The following PHTF2 variants were observed in gnomAD, a reference collection of about 807,000 sequenced individuals.
The protein encoded by PHTF2 is putative homeodomain transcription factor 2, also known as protein PHTF2.
In PHTF2, 60 loss-of-function variants were observed where a neutral mutation model predicts 101.2. That is an observed-to-expected ratio of 0.59 (90% CI 0.48 to 0.73). The LOEUF (loss-of-function observed/expected upper bound fraction) is 0.73. Among genes scored for constraint, PHTF2 ranks in the 30% least tolerant of loss-of-function variants. The probability of loss-of-function intolerance (pLI) is 0.00; values close to 1 mark genes in which losing one functional copy is unlikely to be tolerated. For missense variants in PHTF2, 747 were observed against 908.7 expected (o/e 0.82, Z 2.29); for synonymous variants, 311 against 307.3 (o/e 1.01, Z -0.13).
chr7:77,953,292 C>G (rs547200203), intron 18 of PHTF2, among the ~76,000 whole-genome samples: 15 of 152,290 alleles, frequency 9.8e-5, no homozygotes, highest in Non-Finnish European at 8.8e-5. Context: ...TTCCCAGAGC[C>G]TAGCACAGGG....
chr7:77,922,950 G>T (rs1446605199), intron 11 of PHTF2, 172 bp downstream of exon 10: 3 of 1,334,912 alleles, frequency 2.2e-6, no homozygotes, highest in Middle Eastern at 2.8e-4. Context: ...TTTACGTATT[G>T]CACATGTATT....
At chr7:77,844,870 C>G (rs1180436315) in intron 2 of PHTF2, among the ~76,000 whole-genome samples, 1 of 152,186 alleles carries the variant, frequency 6.6e-6, no homozygotes, top group African/African-American at 2.4e-5. Context: ...TTTTAAAAGT[C>G]CTTTAATATC....
At chr7:77,929,907 G>GT (rs991620391) in intron 12 of PHTF2, among the ~76,000 whole-genome samples, 3 of 149,616 alleles carry the variant, frequency 2.0e-5, no homozygotes, top group African/African-American at 7.4e-5. Context: ...TCAAAATCTG[G>GT]TGTAAACACT....
chr7:77,817,831 C>T (rs940706066), intron 1 of PHTF2, among the ~76,000 whole-genome samples: 2 of 151,968 alleles, frequency 1.3e-5, no homozygotes, highest in South Asian at 2.1e-4. Flanking sequence ...AGTTCCGGGC[C>T]GGGTGCGGTG....
chr7:77,852,567 T>G (rs1796851597), intron 2 of PHTF2, among the ~76,000 whole-genome samples: 1 of 152,230 alleles, frequency 6.6e-6, no homozygotes, highest in African/African-American at 2.4e-5. Context: ...GTTGTAGTTG[T>G]TAGTTTTAAT....
intron 11 of PHTF2, chr7:77,923,014 A>T: frequency 8.5e-7 from 1 of 1,183,150 alleles, no homozygotes. Flanking sequence ...GAAGACTCAT[A>T]CATTGTTTGT....
chr7:77,871,995 G>T (rs1798557869), intron 3 of PHTF2, among the ~76,000 whole-genome samples: 1 of 152,180 alleles, frequency 6.6e-6, no homozygotes. Flanking sequence ...TTTCCGTGAT[G>T]GAAAAGGTTC....
At chr7:77,849,511 G>A (rs1031961109) in intron 2 of PHTF2, among the ~76,000 whole-genome samples, 10 of 152,020 alleles carry the variant, frequency 6.6e-5, no homozygotes, top group African/African-American at 2.4e-4. Flanking sequence ...CAGTTTTGTT[G>A]TTTTCACTCA....
intron 9 of PHTF2, 45 bp downstream of exon 8, chr7:77,910,454 T>C: frequency 7.2e-7 from 1 of 1,392,180 alleles, no homozygotes; most frequent in Non-Finnish European, 1.0e-6. Flanking sequence ...GATGGCACTA[T>C]CCTTTTTCTG....
Position 77,932,605 on chromosome 7 carries a change from AGAGAGAGAGAGAGAGAGT to A in PHTF2, c.1338+3280_1338+3297del, listed in dbSNP as rs1562962198. ...AAGAGGAAGAGAGAGAGAGAGAAAGAGAGAGAGAGAGAGAGAGTGTGTGTGTGTGTGTGTGTGTGTGTG... is the reference window on the plus strand; with the variant it reads ...AAGAGGAAGAGAGAGAGAGAGAAAGAGTGTGTGTGTGTGTGTGTGTGTGTG... On this transcript the variant is annotated intron_variant, in intron 12 of 19. Transcript: ENST00000416283. Among the ~76,000 whole-genome samples the A allele has an allele frequency of 8.2e-3, 613 of 74,492 alleles. 3 individuals carry two copies. Among genetic ancestry groups the A allele is most frequent in the East Asian group, 0.03 (53 of 1,772 alleles). The allele number at this position is 74,492 out of a possible 152,430, so 48.9% of individuals were successfully genotyped here.
chr7:77,832,853 A>G (rs1308073755), intron 1 of PHTF2, among the ~76,000 whole-genome samples: 9 of 152,072 alleles, frequency 5.9e-5, no homozygotes, highest in Non-Finnish European at 8.8e-5. Flanking sequence ...AATAAATGTA[A>G]TGCTCTCGAA....
chr7:77,914,253 C>T (rs966533232), intron 9 of PHTF2, among the ~76,000 whole-genome samples: 2 of 152,036 alleles, frequency 1.3e-5, no homozygotes, highest in East Asian at 3.9e-4. Flanking sequence ...AAGGAGGGTA[C>T]AATGATCTCT....
chr7:77,899,574 C>T (rs1354179785), intron 5 of PHTF2, among the ~76,000 whole-genome samples: 1 of 152,164 alleles, frequency 6.6e-6, no homozygotes, highest in East Asian at 1.9e-4. Context: ...TTTGCAACTT[C>T]AGCCAGAACT....
exon 7 of PHTF2, chr7:77,901,856 G>A: frequency 6.2e-7 from 1 of 1,603,280 alleles, no homozygotes. Flanking sequence ...TTTTCTTCCG[G>A]TGGTGGTTAC....
rs545263519 is a variant in PHTF2 at position 77,850,641 on chromosome 7, C to CAA, written c.46-4074_46-4073dup. Among the ~76,000 whole-genome samples the CAA allele has an allele frequency of 2.4e-3, 129 of 52,706 alleles. 2 individuals carry two copies. The highest frequency in any genetic ancestry group is 6.5e-3 in the East Asian group (11 of 1,696). 34.6% of individuals were successfully genotyped at this position (52,706 alleles called of 152,430 possible). ...TAGTTCACAGAGTGAGACCCTGTCTCAAAAAAAAAAAAAAAAAAAGAAAAG... is the reference window on the plus strand; with the variant it reads ...TAGTTCACAGAGTGAGACCCTGTCTCAAAAAAAAAAAAAAAAAAAAAGAAAAG... On this transcript the variant is annotated intron_variant, in intron 2 of 19. Transcript: ENST00000416283.
chr7:77,901,159 T>C (rs926562286), intron 6 of PHTF2, among the ~76,000 whole-genome samples: 3 of 152,248 alleles, frequency 2.0e-5, no homozygotes, highest in African/African-American at 7.2e-5. Context: ...TTCACCCTTA[T>C]GGCCCGTATA....
chr7:77,814,799 G>T (rs1010386565), intron 1 of PHTF2, among the ~76,000 whole-genome samples: 9 of 152,144 alleles, frequency 5.9e-5, no homozygotes. Flanking sequence ...TCTAGGCCGG[G>T]TGCGGTGGCT....
intron 12 of PHTF2, among the ~76,000 whole-genome samples, chr7:77,930,007 A>G (rs1038195107): frequency 1.4e-4 from 20 of 141,348 alleles, no homozygotes; most frequent in African/African-American, 5.2e-4. Flanking sequence ...AGGCTGGAGT[A>G]CAATGGCACG....
intron 3 of PHTF2, among the ~76,000 whole-genome samples, chr7:77,862,408 T>C (rs1242456253): frequency 6.6e-6 from 1 of 152,210 alleles, no homozygotes; most frequent in East Asian, 1.9e-4. Flanking sequence ...CTATATAGTA[T>C]ATAATTTATT....
Sources: allele counts gnomAD v4.1 joint callset (sites outside exome capture counted in the v4.1 genomes callset), GRCh38; gene constraint gnomAD v4.1.1; transcripts MANE v1.5; gene names NCBI Gene and HGNC (gene_info 2026-07-23, HGNC 2026-07-21).